Variants in UBR2 observed in about 807,000 individuals in gnomAD.
UBR2 encodes the protein E3 ubiquitin-protein ligase UBR2.
In UBR2, 92 loss-of-function variants were observed where a neutral mutation model predicts 247.9. The observed-to-expected ratio is 0.37, with a 90% confidence interval of 0.31 to 0.44. UBR2 has a LOEUF of 0.44. UBR2 is among the 20% of genes least tolerant of loss of function. UBR2 has a pLI of 1.00. For missense variants in UBR2, 1,613 were observed against 2,112.6 expected (o/e 0.76, Z 4.64); for synonymous variants, 672 against 693.5 (o/e 0.97, Z 0.49).
rs780257067 is a variant in UBR2, at chr6:42,670,176, T to A, written c.3966T>A (p.Asn1322Lys). ...AGGTGGGACTAAAGGTTCATCCCAA[T>A]GAAGAGGATCCTCGTGTTCCCATAA... The part of the protein sequence containing the change: ...TYKVGLKVHP[N>K]EEDPRVPIMC... Residue 1322 changes from asparagine (N) to lysine (K), a missense_variant, in exon 35 of 47, where the codon AAT (asparagine) becomes AAA (lysine). By Grantham distance (94) the Asn-to-Lys change is moderately conservative. This residue lies in a region of UBR2 where 1,524 missense variants were observed against 1,967.3 expected (regional missense o/e 0.77). Coordinates refer to ENST00000372901, the MANE Select transcript of UBR2 (RefSeq NM_001363705.2). The A allele has an allele frequency of 1.9e-6, 3 of 1,614,052 alleles. No individual in the cohort carries two copies. The highest frequency in any genetic ancestry group is 2.5e-6 in the Non-Finnish European group (3 of 1,180,036).
intron 4 of UBR2, among the ~76,000 whole-genome samples, chr6:42,596,482 T>C (rs1347480494): frequency 6.6e-6 from 1 of 152,128 alleles, no homozygotes; most frequent in Non-Finnish European, 1.5e-5. Flanking sequence ...CACACCTAGA[T>C]ATATACCCAA....
Position 42,603,581 on chromosome 6 carries a change from C to A in UBR2, c.532-7C>A. 1 of 1,536,834 alleles carries A rather than the reference C, an allele frequency of 6.5e-7. No individual in the cohort carries two copies. On this transcript the variant is annotated splice_region_variant and splice_polypyrimidine_tract_variant and intron_variant, in intron 4 of 46. Coordinates refer to ENST00000372901, the MANE Select transcript of UBR2 (RefSeq NM_001363705.2). ...TCTTTTTCTTTTTTTTCTGTTGTTT[C>A]TTTCAGGATCCTCTTGTTCATTTAT...
chr6:42,687,291 C>A (rs1167092702), intron 44 of UBR2, among the ~76,000 whole-genome samples: 1 of 152,170 alleles, frequency 6.6e-6, no homozygotes, highest in Non-Finnish European at 1.5e-5. Flanking sequence ...GAGACCAGCC[C>A]GGCCAACACG....
intron 34 of UBR2, 92 bp downstream of exon 34, chr6:42,666,337 G>T: frequency 9.3e-7 from 1 of 1,070,804 alleles, no homozygotes. Flanking sequence ...GGCAAGTGAG[G>T]GAGCAAAATG....
At chr6:42,681,946 C>T (rs957149074) in intron 42 of UBR2, among the ~76,000 whole-genome samples, 38 of 152,082 alleles carry the variant, frequency 2.5e-4, no homozygotes, top group African/African-American at 8.9e-4. Context: ...TGGTGGTGCA[C>T]GCCTGTAGTC....
intron 16 of UBR2, among the ~76,000 whole-genome samples, chr6:42,641,054 G>A (rs184485805): frequency 6.6e-6 from 1 of 152,266 alleles, no homozygotes; most frequent in East Asian, 1.9e-4. Context: ...TGTTAATCAT[G>A]TGTAAAAAAT....
At chr6:42,586,337 G>A (rs1301433687) in intron 2 of UBR2, among the ~76,000 whole-genome samples, 1 of 152,138 alleles carries the variant, frequency 6.6e-6, no homozygotes, top group East Asian at 1.9e-4. Context: ...TCTAGCCTGG[G>A]CAACACAGCC....
intron 4 of UBR2, among the ~76,000 whole-genome samples, chr6:42,600,625 CAAAA>C (rs71680032): frequency 5.5e-4 from 58 of 106,130 alleles, no homozygotes; most frequent in African/African-American, 1.2e-3. Context: ...GTTACTGTAG[CAAAA>C]AAAAAAAAAA....
At chr6:42,619,453 A>ATATATATATATATTTTTTTTTTTTT in intron 11 of UBR2, 1 of 23,716 alleles carries the variant, frequency 4.2e-5, no homozygotes, top group Non-Finnish European at 8.4e-5. Flanking sequence ...ATATATATAT[A>ATATATATATATATTTTTTTTTTTTT]TTTTTTTTTT....
At chr6:42,630,133 C>CAGTAGTAGT (rs79492372) in intron 11 of UBR2, among the ~76,000 whole-genome samples, 49 of 149,020 alleles carry the variant, frequency 3.3e-4, no homozygotes, top group Non-Finnish European at 4.9e-4. Flanking sequence ...GTAGCAGTAG[C>CAGTAGTAGT]AGTAGTAGTA....
At position 42,659,552 on chromosome 6, in the gene UBR2, C is replaced by CACACT. The variant is rs1440865398; in HGVS notation, c.3243-100_3243-99insTACAC. 5.9e-5 allele frequency: 47 copies of CACACT among 793,074 alleles called. No individual in the cohort carries two copies. In the African/African-American group the frequency reaches 8.1e-4, roughly 14 times the overall value. The allele number at this position is 793,074 out of a possible 1,614,324, so 49.1% of individuals were successfully genotyped here. A position where few individuals can be genotyped will look rare whatever the true frequency, so the allele number is the denominator to read the frequency against. ...ACACACACACACACACACACACACA[C>CACACT]ACACACACACTACACACACACACAC... On this transcript the variant is annotated intron_variant, in intron 29 of 46. Transcript: ENST00000372901. This position sits in a 1 kb window ranked among gnomAD's most constrained non-coding sequence, Gnocchi z 4.3.
intron 8 of UBR2, among the ~76,000 whole-genome samples, chr6:42,613,132 C>T (rs767455540): frequency 1.3e-5 from 2 of 151,790 alleles, no homozygotes; most frequent in African/African-American, 4.8e-5. Flanking sequence ...TCTAGAAATT[C>T]GGTCATTTTT....
chr6:42,663,443 A>G (rs1190674425), intron 32 of UBR2, 24 bp downstream of exon 32: 2 of 1,588,568 alleles, frequency 1.3e-6, no homozygotes, highest in Non-Finnish European at 1.7e-6. Flanking sequence ...CATGACAACT[A>G]TTACAAAGCA....
At position 42,676,170 on chromosome 6, in the gene UBR2, A is replaced by G. The variant is rs138783967; in HGVS notation, c.4366A>G (p.Ile1456Val). ...GGTTACTATGGCACACATCATACAG[A>G]TCTTACTTACCTCATGTACAGGTAA... is the stretch of plus-strand genomic sequence containing the variant. Reference protein sequence around the residue: ...HLVTMAHIIQILLTSCTEENG... With the variant: ...HLVTMAHIIQVLLTSCTEENG... Residue 1456 changes from isoleucine to valine, a missense_variant, in exon 39 of 47, where the codon ATC becomes GTC. By Grantham distance (29) the Ile-to-Val change is conservative. This residue lies in a region of UBR2 where 1,524 missense variants were observed against 1,967.3 expected (regional missense o/e 0.77). Coordinates refer to ENST00000372901, the MANE Select transcript of UBR2 (RefSeq NM_001363705.2). 1.0e-3 allele frequency: 1,660 copies of G among 1,610,256 alleles called. 36 individuals carry two copies. In the South Asian group the frequency reaches 0.017, roughly 17 times the overall value.
rs1040754884 is a variant in UBR2 at position 42,571,098 on chromosome 6, T to A, written c.79-2636T>A. On this transcript the variant is annotated intron_variant, in intron 1 of 46. Transcript: ENST00000372901. Reference sequence around the variant, plus strand: ...GTTACTAGACTGCATAATTTTTTTTTAGAAAGCATCCATGCTAGCCTGTAG... The same window carrying A: ...GTTACTAGACTGCATAATTTTTTTTAAGAAAGCATCCATGCTAGCCTGTAG... Among the ~76,000 whole-genome samples the A allele has an allele frequency of 6.6e-5, 10 of 151,802 alleles. No homozygotes were observed. The East Asian group carries it at 7.7e-4, about 12-fold the overall frequency.
At chr6:42,609,014 CAATA>C (rs898764241) in intron 7 of UBR2, among the ~76,000 whole-genome samples, 7 of 151,858 alleles carry the variant, frequency 4.6e-5, no homozygotes, top group Non-Finnish European at 8.8e-5. Flanking sequence ...AGGGAACAAA[CAATA>C]AAATAGAAAA....
chr6:42,602,522 T>A (rs1793448242), intron 4 of UBR2, among the ~76,000 whole-genome samples: 1 of 151,918 alleles, frequency 6.6e-6, no homozygotes, highest in Non-Finnish European at 1.5e-5. Context: ...TTATTCCACC[T>A]TCTCCATTTG....
rs1286536544 is a variant in UBR2, at chr6:42,616,050, A to G, written c.1142A>G (p.Asp381Gly). Residue 381 changes from aspartate (D) to glycine (G), a missense_variant, in exon 10 of 47, where the codon GAT (aspartate) becomes GGT (glycine). Asp to Gly is a moderately conservative substitution (Grantham distance 94). Transcript: ENST00000372901. ...TTGTTCATGAGCAGTCTGCTTATGG[A>G]TTTGAAATACAAGAAACTATTTGCT... ...HQLFMSSLLM[D>G]LKYKKLFAVR... 1 of 1,606,044 alleles carries G rather than the reference A, an allele frequency of 6.2e-7. No individual in the cohort carries two copies. The highest frequency in any genetic ancestry group is 1.7e-4 in the Middle Eastern group (1 of 6,054).
At chr6:42,684,770 C>CT (rs1201735349) in intron 43 of UBR2, 24 bp from the exon 44 acceptor site, 9 of 1,576,260 alleles carry the variant, frequency 5.7e-6, no homozygotes, top group Non-Finnish European at 7.8e-6. Context: ...ATGGAGTGTT[C>CT]TTTAATTTTT....
Sources: gnomAD v4.1 joint callset for allele counts (sites outside exome capture counted in the v4.1 genomes callset) on GRCh38, gnomAD v4.1.1 for gene constraint, gnomAD v4.1.1 regional missense constraint, Gnocchi (gnomAD v3.1) non-coding constraint, MANE v1.5 for transcripts, NCBI Gene and HGNC (gene_info 2026-07-23, HGNC 2026-07-21) for gene names.